RCBTB1: variants seen among roughly 807,000 people sequenced by gnomAD.
RCBTB1 encodes RCC1 and BTB domain-containing protein 1.
RCBTB1 carries 46 observed loss-of-function variants against 62.4 expected under a neutral mutation model. The ratio of observed to expected loss-of-function variants is 0.74; its 90% CI spans 0.58 to 0.94. The LOEUF (loss-of-function observed/expected upper bound fraction) is 0.94, where lower values mean the gene tolerates loss of function less well. RCBTB1 is among the 40% of genes least tolerant of loss of function. The pLI, the probability that RCBTB1 is intolerant of heterozygous loss-of-function variation, is 0.00. For missense variants in RCBTB1, 565 were observed against 654.9 expected, an observed-to-expected ratio of 0.86 and a Z score of 1.50; for synonymous variants, 222 against 245.8, an observed-to-expected ratio of 0.90 and a Z score of 0.91.
At chr13:49,581,315 T>C (rs1964083231) in intron 1 of RCBTB1, among the ~76,000 whole-genome samples, 1 of 152,170 alleles carries the variant, frequency 6.6e-6, no homozygotes, top group Non-Finnish European at 1.5e-5. Flanking sequence ...AAGAAGATTC[T>C]GCAACTGGCT....
At position 49,569,345 on chromosome 13, in the gene RCBTB1, G is replaced by A. The variant is rs185559207; in HGVS notation, c.-41-2025C>T. Among the ~76,000 whole-genome samples the A allele has an allele frequency of 2.0e-4, 31 of 152,278 alleles. No homozygotes were observed. The East Asian group carries it at 3.9e-3, about 19-fold the overall frequency. ...TCCTAGCACTATGGGAGCCCAAGCC[G>A]GAAGGACTGCTTGAGCCCAGCAGTT... On this transcript the variant is annotated intron_variant, in intron 2 of 12. Transcript: ENST00000378302.
At chr13:49,550,337 T>C (rs1233396087) in intron 8 of RCBTB1, 1 of 498,680 alleles carries the variant, frequency 2.0e-6, no homozygotes, top group Non-Finnish European at 2.6e-6. Flanking sequence ...GAACACTCAT[T>C]GGGCTGATAA....
chr13:49,535,149 A>C (rs4942842), intron 12 of RCBTB1, among the ~76,000 whole-genome samples: 92,297 of 151,458 alleles, frequency 0.61, 29,122 homozygotes, highest in Non-Finnish European at 0.71. Flanking sequence ...ATATCTCAGA[A>C]CATCACCCCC....
At chr13:49,551,552 C>T in intron 7 of RCBTB1, 84 bp from the exon 8 acceptor site, 1 of 1,447,840 alleles carries the variant, frequency 6.9e-7, no homozygotes. Flanking sequence ...TAGCCAGCTT[C>T]TGCAGAATGC....
chr13:49,540,750 G>A (rs1347822840), intron 12 of RCBTB1, 126 bp downstream of exon 12: 7 of 991,260 alleles, frequency 7.1e-6, no homozygotes, highest in Middle Eastern at 2.4e-4. Flanking sequence ...AGTTTTCAAT[G>A]GGTTCACTGA....
At chr13:49,535,360 G>T (rs185476846) in intron 12 of RCBTB1, among the ~76,000 whole-genome samples, 2 of 152,058 alleles carry the variant, frequency 1.3e-5, no homozygotes, top group African/African-American at 4.8e-5. Context: ...TTATTAAATC[G>T]ATTAGGCACC....
chr13:49,542,299 C>T (rs9596137), intron 10 of RCBTB1, among the ~76,000 whole-genome samples: 10,562 of 151,868 alleles, frequency 0.07, 458 homozygotes, highest in South Asian at 0.14. Context: ...ACCCAAAAAA[C>T]ATTCCACATG....
intron 6 of RCBTB1, among the ~76,000 whole-genome samples, chr13:49,553,488 A>T (rs1026018248): frequency 2.0e-5 from 3 of 152,172 alleles, no homozygotes; most frequent in African/African-American, 7.2e-5. Flanking sequence ...AGAACGTGAC[A>T]GTCCCTTGGA....
intron 8 of RCBTB1, 169 bp downstream of exon 8, chr13:49,551,157 G>A (rs1233258554): frequency 2.1e-5 from 13 of 634,044 alleles, no homozygotes; most frequent in Non-Finnish European, 2.8e-5. Context: ...GGGGAAGCAG[G>A]GAGGGAGAAG....
intron 8 of RCBTB1, chr13:49,549,990 C>CT (rs60231483): frequency 0.064 from 47,626 of 745,160 alleles, 865 homozygotes; most frequent in South Asian, 0.13. Context: ...AATACCATTT[C>CT]TTTTTTTTTT....
intron 1 of RCBTB1, among the ~76,000 whole-genome samples, chr13:49,584,751 C>T (rs1307741790): frequency 6.6e-6 from 1 of 152,132 alleles, no homozygotes; most frequent in Non-Finnish European, 1.5e-5. Context: ...ATTGTAATCC[C>T]CAGCTGCAGA....
intron 2 of RCBTB1, among the ~76,000 whole-genome samples, chr13:49,572,263 G>A (rs1043593726): frequency 9.2e-5 from 14 of 151,438 alleles, no homozygotes; most frequent in Non-Finnish European, 7.4e-5. Flanking sequence ...GGAGGTGGAG[G>A]TTGCAGTGAG....
intron 8 of RCBTB1, chr13:49,550,280 A>T (rs1232142171): frequency 4.6e-6 from 1 of 216,966 alleles, no homozygotes; most frequent in Non-Finnish European, 7.9e-6. Context: ...TGCCTGGCCC[A>T]TTTCTTTATA....
At chr13:49,581,061 C>T (rs1377081526) in intron 1 of RCBTB1, among the ~76,000 whole-genome samples, 1 of 152,140 alleles carries the variant, frequency 6.6e-6, no homozygotes, top group Non-Finnish European at 1.5e-5. Context: ...GAAAGAAAGT[C>T]AGCATGGCTG....
intron 4 of RCBTB1, among the ~76,000 whole-genome samples, chr13:49,562,313 G>GA (rs1962503576): frequency 6.6e-6 from 1 of 151,710 alleles, no homozygotes; most frequent in South Asian, 2.1e-4. Context: ...ACACAGATGG[G>GA]AGAGAACATT....
At chr13:49,545,331 C>T (rs1960706658) in intron 9 of RCBTB1, among the ~76,000 whole-genome samples, 1 of 152,098 alleles carries the variant, frequency 6.6e-6, no homozygotes, top group Non-Finnish European at 1.5e-5. Flanking sequence ...AATGGTAATG[C>T]TAAGCGGTCA....
rs554305064 is a variant in RCBTB1 at position 49,559,580 on chromosome 13, C to T, written c.444+338G>A. Among the ~76,000 whole-genome samples the T allele has an allele frequency of 4.9e-5, 7 of 143,440 alleles. No homozygotes were observed. In the East Asian group the frequency reaches 1.2e-3, roughly 26 times the overall value. 94.1% of individuals were successfully genotyped at this position (143,440 alleles called of 152,430 possible). On this transcript the variant is annotated intron_variant, in intron 5 of 12. Transcript: ENST00000378302. ...CTGAGGCAGGAAAATGGCGTAAACC[C>T]GGGAGGCGGAGCTTGCAGTGAGCAG...
chr13:49,554,236 T>G (rs1961650223), intron 6 of RCBTB1, among the ~76,000 whole-genome samples: 1 of 152,188 alleles, frequency 6.6e-6, no homozygotes, highest in South Asian at 2.1e-4. Flanking sequence ...CAAAAAGATA[T>G]GCATGAAACT....
intron 2 of RCBTB1, among the ~76,000 whole-genome samples, chr13:49,576,336 C>T (rs1166865945): frequency 6.6e-6 from 1 of 151,690 alleles, no homozygotes; most frequent in Non-Finnish European, 1.5e-5. Context: ...ACACTATATA[C>T]CTTTTACCCC....
Sources: gnomAD v4.1 joint callset for allele counts (sites outside exome capture counted in the v4.1 genomes callset) on GRCh38, gnomAD v4.1.1 for gene constraint, MANE v1.5 for transcripts, NCBI Gene and HGNC (gene_info 2026-07-23, HGNC 2026-07-21) for gene names.